The following ADGRD2 variants were observed in gnomAD, a reference collection of about 807,000 sequenced individuals.
ADGRD2 encodes G protein-coupled receptor PGR24.
In ADGRD2, 71 loss-of-function variants were observed where a neutral mutation model predicts 44.4. The ratio of observed to expected loss-of-function variants is 1.60; its 90% CI spans 1.32 to 1.95. ADGRD2 has a LOEUF of 1.95. Ranked by LOEUF, ADGRD2 falls within the 30% of genes most tolerant of loss-of-function variation. The pLI is 0.00. For synonymous variants in ADGRD2, 481 were observed against 224.8 expected, an observed-to-expected ratio of 2.14 and a Z score of -10.19; for missense variants, 1,039 against 512.4, an observed-to-expected ratio of 2.03 and a Z score of -9.92.
At chr9:124,473,257 C>T (rs1024291898) in intron 17 of ADGRD2, among the ~76,000 whole-genome samples, 4 of 152,240 alleles carry the variant, frequency 2.6e-5, no homozygotes, top group African/African-American at 4.8e-5. Context: ...TCTGCCCAAC[C>T]TCATTCACTC....
intron 10 of ADGRD2, 122 bp from the exon 14 acceptor site, chr9:124,466,136 C>T (rs1176770530): frequency 2.6e-5 from 12 of 467,520 alleles, no homozygotes; most frequent in Non-Finnish European, 3.9e-5. Context: ...CAGGAAGGGG[C>T]GGTGACTCGC....
At chr9:124,456,154 C>T (rs967694583) in intron 6 of ADGRD2, among the ~76,000 whole-genome samples, 1 of 152,202 alleles carries the variant, frequency 6.6e-6, no homozygotes, top group African/African-American at 2.4e-5. Flanking sequence ...ATCACGCCAG[C>T]CTTGCTAAGG....
intron 10 of ADGRD2, chr9:124,466,036 A>C (rs913361326): frequency 8.1e-6 from 3 of 369,776 alleles, no homozygotes; most frequent in Non-Finnish European, 1.5e-5. Context: ...GTAATTAATT[A>C]AGTTGATAAA....
At chr9:124,472,359 A>G (rs1030502463) in intron 17 of ADGRD2, among the ~76,000 whole-genome samples, 3 of 150,506 alleles carry the variant, frequency 2.0e-5, no homozygotes, top group Non-Finnish European at 4.4e-5. Flanking sequence ...TCTGGCACTG[A>G]CCCCACCTGG....
At chr9:124,477,760 C>G (rs570535530) in intron 21 of ADGRD2, among the ~76,000 whole-genome samples, 4 of 152,110 alleles carry the variant, frequency 2.6e-5, no homozygotes, top group South Asian at 2.1e-4. Context: ...AGGCGCCCCC[C>G]ACAGGCCCGC....
upstream of ADGRD2, chr9:124,451,048 C>G (rs1831456546): frequency 2.1e-6 from 1 of 471,654 alleles, no homozygotes; most frequent in African/African-American, 2.0e-5. Context: ...GCCGGAACCA[C>G]AAGCTGAACC....
intron 21 of ADGRD2, chr9:124,477,074 C>T (rs755738481): frequency 9.4e-6 from 5 of 532,470 alleles, no homozygotes; most frequent in Non-Finnish European, 1.5e-5. Context: ...CAGCACCCCC[C>T]GTCACCCTCT....
In ADGRD2 at chr9:124,471,613, C is replaced by G. The variant is rs75967472; in HGVS notation, c.2758+999C>G. ...CCCAAGGCCCCCCAGGAGGCAGCAG[C>G]AGCGGGGGCACCACTCCAGAGTCTG... On this transcript the variant is annotated intron_variant, in intron 17 of 21. Transcript: ENST00000334810. Among the ~76,000 whole-genome samples, 995 of 152,340 alleles carry G rather than the reference C, an allele frequency of 6.5e-3. 38 individuals are homozygous for G. In the East Asian group the frequency reaches 0.093, roughly 14 times the overall value.
chr9:124,468,101 G>A, exon 13 of ADGRD2: 1 of 718,534 alleles, frequency 1.4e-6, no homozygotes, highest in East Asian at 2.7e-5. Context: ...CCCCAAGTCA[G>A]AGCGAACCAC....
At chr9:124,471,195 C>T (rs1270156978) in intron 17 of ADGRD2, among the ~76,000 whole-genome samples, 1 of 152,158 alleles carries the variant, frequency 6.6e-6, no homozygotes, top group African/African-American at 2.4e-5. Context: ...GAAGTGACAG[C>T]CAGGGGGCTG....
chr9:124,473,302 C>G (rs898361987), intron 17 of ADGRD2, among the ~76,000 whole-genome samples: 1 of 152,234 alleles, frequency 6.6e-6, no homozygotes, highest in Non-Finnish European at 1.5e-5. Context: ...GGCCACTGTG[C>G]CGGGTTGTGT....
chr9:124,457,937 C>G (rs536407602), intron 8 of ADGRD2, among the ~76,000 whole-genome samples, 176 bp from the exon 12 acceptor site: 2 of 152,186 alleles, frequency 1.3e-5, no homozygotes, highest in Non-Finnish European at 2.9e-5. Flanking sequence ...TGGACTGTGG[C>G]TGCTTGGAAT....
intron 2 of ADGRD2, 120 bp downstream of exon 5, chr9:124,452,842 C>T: frequency 3.2e-6 from 2 of 621,140 alleles, no homozygotes; most frequent in East Asian, 2.7e-5. Flanking sequence ...CATTGCATCT[C>T]CAGGTTCCTT....
At chr9:124,468,218 C>A (rs1239085984) in intron 13 of ADGRD2, 28 bp downstream of exon 16, 1 of 717,932 alleles carries the variant, frequency 1.4e-6, no homozygotes, top group Non-Finnish European at 2.6e-6. Flanking sequence ...GGGCTGGAAG[C>A]CCGGGGAAGC....
At chr9:124,472,472 T>C (rs917122188) in intron 17 of ADGRD2, among the ~76,000 whole-genome samples, 1 of 120,534 alleles carries the variant, frequency 8.3e-6, no homozygotes, top group African/African-American at 3.3e-5. Flanking sequence ...TGTTTGTTTT[T>C]TGTTTTTGTT....
Position 124,453,363 on chromosome 9 carries a change from G to A in ADGRD2, c.612G>A (p.Trp204Ter). ...CGTGGGAGCAGCGGGGCGGGCGCTG[G>A]GCGCTGTTCTCCGATGGGAGGCGGC... is the stretch of plus-strand genomic sequence containing the variant. The change falls in exon 3 of 22, where the codon TGG becomes TGA. Residue 204 changes from tryptophan (W) to a stop codon, truncating the protein, a stop_gained. Coordinates refer to ENST00000334810, the Ensembl canonical transcript of ADGRD2. LOFTEE classifies it high-confidence loss of function. 1 of 535,602 alleles carries A rather than the reference G, an allele frequency of 1.9e-6. No homozygotes were observed. Among genetic ancestry groups the A allele is most frequent in the Non-Finnish European group, 3.2e-6 (1 of 309,192 alleles). The allele number at this position is 535,602 out of a possible 1,614,324, so 33.2% of individuals were successfully genotyped here. A position where few individuals can be genotyped will look rare whatever the true frequency, so the allele number is the denominator to read the frequency against.
At chr9:124,458,318 A>G (rs1588601945) in intron 9 of ADGRD2, 82 bp downstream of exon 12, 1 of 691,922 alleles carries the variant, frequency 1.4e-6, no homozygotes, top group South Asian at 1.6e-5. Context: ...TGGTGGGCGC[A>G]TGTGTCCTTA....
chr9:124,462,925 C>T (rs925219089), intron 10 of ADGRD2, among the ~76,000 whole-genome samples: 2 of 151,150 alleles, frequency 1.3e-5, no homozygotes, highest in Non-Finnish European at 1.5e-5. Context: ...CTGACTTTCT[C>T]TCTCTCTCTT....
At chr9:124,459,201 G>A (rs1831677883) in intron 10 of ADGRD2, among the ~76,000 whole-genome samples, 1 of 152,170 alleles carries the variant, frequency 6.6e-6, no homozygotes, top group South Asian at 2.1e-4. Context: ...TACTTTAAAT[G>A]TTTTGTAGGT....
Sources: gnomAD v4.1 joint callset for allele counts (sites outside exome capture counted in the v4.1 genomes callset) on GRCh38, gnomAD v4.1.1 for gene constraint, MANE v1.5 for transcripts, NCBI Gene and HGNC (gene_info 2026-07-23, HGNC 2026-07-21) for gene names.